The following UPF3A variants were observed in gnomAD, a reference collection of about 807,000 sequenced individuals.
UPF3A encodes UPF3A regulator of nonsense mediated mRNA decay, also known as regulator of nonsense transcripts 3A.
Under a neutral mutation model 53.5 loss-of-function variants are expected in UPF3A, and 42 were observed. The observed-to-expected ratio is 0.78, with a 90% CI of 0.61 to 1.01. UPF3A has a LOEUF of 1.01. Among genes scored for constraint, UPF3A ranks in the 50% least tolerant of loss-of-function variants. The pLI is 0.00. For missense variants in UPF3A, 575 were observed against 598.0 expected (o/e 0.96, Z 0.40); for synonymous variants, 237 against 225.3 (o/e 1.05, Z -0.47).
At chr13:114,300,145 C>T (rs1348679378) in intron 8 of UPF3A, among the ~76,000 whole-genome samples, 1 of 152,208 alleles carries the variant, frequency 6.6e-6, no homozygotes, top group Non-Finnish European at 1.5e-5. Context: ...TGGTCCCCAA[C>T]AGCCCTGGCA....
chr13:114,298,631 CCTTA>C (rs2086292475), intron 7 of UPF3A, among the ~76,000 whole-genome samples: 1 of 152,192 alleles, frequency 6.6e-6, no homozygotes, highest in Non-Finnish European at 1.5e-5. Context: ...CATTAACCTA[CCTTA>C]CTTTTCATGA....
At chr13:114,292,306 A>G (rs1405650641) in intron 7 of UPF3A, among the ~76,000 whole-genome samples, 1,857 of 54,374 alleles carry the variant, frequency 0.034, no homozygotes, top group Middle Eastern at 0.047. Flanking sequence ...TTCATTTTCG[A>G]CTCAAGGCGT....
chr13:114,284,698 CAA>C (rs57498642), intron 3 of UPF3A, among the ~76,000 whole-genome samples: 3 of 137,746 alleles, frequency 2.2e-5, no homozygotes, highest in African/African-American at 2.7e-5. Context: ...GACTCTGTCT[CAA>C]AAAAAAAAAA....
intron 8 of UPF3A, among the ~76,000 whole-genome samples, chr13:114,299,602 A>G: frequency 6.6e-6 from 1 of 152,188 alleles, no homozygotes; most frequent in East Asian, 1.9e-4. Flanking sequence ...ATGACAGTGC[A>G]GCTCTATGGA....
At chr13:114,282,486 C>G (rs1594743945) in intron 2 of UPF3A, 1 of 985,424 alleles carries the variant, frequency 1.0e-6, no homozygotes, top group Non-Finnish European at 1.2e-6. Context: ...GTGGCCTCCA[C>G]GCTGGTGCCG....
At chr13:114,293,106 G>T (rs946770526) in intron 7 of UPF3A, among the ~76,000 whole-genome samples, 1 of 146,770 alleles carries the variant, frequency 6.8e-6, no homozygotes, top group Non-Finnish European at 1.5e-5. Context: ...TTTCCTGGCC[G>T]GGTGGGGTGG....
intron 7 of UPF3A, among the ~76,000 whole-genome samples, chr13:114,297,146 A>G (rs764268934): frequency 5.3e-5 from 8 of 152,046 alleles, no homozygotes; most frequent in Non-Finnish European, 1.2e-4. Flanking sequence ...CTATGCTGCA[A>G]TTATGAGTGA....
At chr13:114,288,302 G>A (rs540600093) in intron 5 of UPF3A, among the ~76,000 whole-genome samples, 2 of 152,326 alleles carry the variant, frequency 1.3e-5, no homozygotes, top group African/African-American at 4.8e-5. Context: ...CACTGCCACT[G>A]ATGTGACAAA....
Position 114,292,292 on chromosome 13 carries a change from C to T in UPF3A, c.846+500C>T, listed in dbSNP as rs538534589. ...AAGGCGTACACGTGCAGGTGTGTTA[C>T]GTGTTCATTTTCGACTCAAGGCGTA... is the stretch of plus-strand genomic sequence containing the variant. On this transcript the variant is annotated intron_variant, in intron 7 of 9. Coordinates refer to ENST00000375299, the MANE Select transcript of UPF3A (RefSeq NM_023011.4). Among the ~76,000 whole-genome samples the T allele has an allele frequency of 2.5e-3, 376 of 148,314 alleles. 4 individuals carry two copies. The highest frequency in any genetic ancestry group is 0.011 in the East Asian group (53 of 4,962).
chr13:114,296,331 G>A lies in UPF3A; in HGVS notation c.847-2509G>A, dbSNP rs139397116. 1.3e-3 allele frequency among the ~76,000 whole-genome samples: 198 copies of A among 152,218 alleles called. 1 individual carries two copies. Among genetic ancestry groups the A allele is most frequent in the Middle Eastern group, 3.4e-3 (1 of 294 alleles). ...CCAGGAGGCGAAGGTACAGTGAGCC[G>A]AGATCGCGTCACTGCAGTCTAGCTT... On this transcript the variant is annotated intron_variant, in intron 7 of 9. Transcript: ENST00000375299.
At chr13:114,291,918 TTTTTCCATC>T (rs890979754) in intron 7 of UPF3A, 126 bp downstream of exon 7, 13 of 1,245,682 alleles carry the variant, frequency 1.0e-5, no homozygotes, top group Non-Finnish European at 9.8e-6. Flanking sequence ...TGTTGTTATT[TTTTTCCATC>T]TTTTCCATCT....
intron 4 of UPF3A, 47 bp downstream of exon 4, chr13:114,286,447 C>T: frequency 6.2e-7 from 1 of 1,612,490 alleles, no homozygotes; most frequent in Non-Finnish European, 8.5e-7. Flanking sequence ...AAATTAAGAA[C>T]ACTGAGCAAA....
chr13:114,288,002 A>C (rs190877216), intron 5 of UPF3A, among the ~76,000 whole-genome samples: 202 of 152,214 alleles, frequency 1.3e-3, no homozygotes, highest in South Asian at 2.5e-3. Context: ...GATGGGTTTC[A>C]CCATGTTGGC....
At position 114,289,936 on chromosome 13, in the gene UPF3A, C is replaced by A. The variant is rs74524353; in HGVS notation, c.632-1553C>A. Among the ~76,000 whole-genome samples, 565 of 152,274 alleles carry A rather than the reference C, an allele frequency of 3.7e-3. 3 individuals carry two copies. The highest frequency in any genetic ancestry group is 0.013 in the African/African-American group (523 of 41,540). ...GCAAGCGGAGTCTGGGGTCAGCCTCCCCACACATCCAGGTGGTCTCGCCCG... is the reference window on the plus strand; with the variant it reads ...GCAAGCGGAGTCTGGGGTCAGCCTCACCACACATCCAGGTGGTCTCGCCCG... On this transcript the variant is annotated intron_variant, in intron 5 of 9. Transcript: ENST00000375299.
intron 5 of UPF3A, among the ~76,000 whole-genome samples, chr13:114,288,907 T>C (rs1293652565): frequency 6.6e-6 from 1 of 152,200 alleles, no homozygotes; most frequent in East Asian, 1.9e-4. Context: ...AATTAGACGT[T>C]ATTACAGGCC....
At chr13:114,283,061 TG>T in intron 3 of UPF3A, 118 bp downstream of exon 3, 1 of 809,766 alleles carries the variant, frequency 1.2e-6, no homozygotes, top group Non-Finnish European at 1.9e-6. Context: ...CTTGCTCTGT[TG>T]CCCAGGCTGG....
chr13:114,295,820 G>C (rs2085928543), intron 7 of UPF3A, among the ~76,000 whole-genome samples: 1 of 152,168 alleles, frequency 6.6e-6, no homozygotes, highest in Admixed American at 6.5e-5. Flanking sequence ...CAGGGTCTTA[G>C]GCCCTGGTTC....
chr13:114,298,788 C>G (rs2086308079), intron 7 of UPF3A, 52 bp from the exon 8 acceptor site: 1 of 1,387,664 alleles, frequency 7.2e-7, no homozygotes, highest in Non-Finnish European at 9.4e-7. Context: ...TTAACAGCTT[C>G]TTTTAAAATA....
intron 8 of UPF3A, 118 bp downstream of exon 8, chr13:114,299,118 G>A: frequency 1.9e-6 from 2 of 1,068,096 alleles, no homozygotes; most frequent in Non-Finnish European, 1.3e-6. Context: ...TCCAGGGTGT[G>A]CGAGTACACG....
Sources: allele counts gnomAD v4.1 joint callset (sites outside exome capture counted in the v4.1 genomes callset), GRCh38; gene constraint gnomAD v4.1.1; transcripts MANE v1.5; gene names NCBI Gene and HGNC (gene_info 2026-07-23, HGNC 2026-07-21).